Variants in PROCR observed in about 807,000 individuals in gnomAD.
PROCR encodes protein C receptor, also known as endothelial protein C receptor.
PROCR carries 22 observed loss-of-function variants against 24.2 expected under a neutral mutation model. The ratio of observed to expected loss-of-function variants is 0.91; its 90% CI spans 0.65 to 1.30. PROCR has a LOEUF of 1.30. Among genes scored for constraint, PROCR ranks in the 50% most tolerant of loss-of-function variants. The pLI is 0.00. For missense variants in PROCR, 288 were observed against 307.7 expected, an observed-to-expected ratio of 0.94 and a Z score of 0.48; for synonymous variants, 137 against 139.2, an observed-to-expected ratio of 0.98 and a Z score of 0.11.
chr20:35,173,420 T>G (rs2085970123), intron 1 of PROCR, among the ~76,000 whole-genome samples: 1 of 140,272 alleles, frequency 7.1e-6, no homozygotes, highest in Non-Finnish European at 1.5e-5. Flanking sequence ...TTCTTTCTTT[T>G]TTCTTTTTTT....
chr20:35,195,313 G>C (rs907511193), intron 1 of PROCR: 4 of 152,134 alleles, frequency 2.6e-5, no homozygotes, highest in African/African-American at 9.7e-5. Context: ...ACAGTCTACA[G>C]ATATACCATC....
chr20:35,191,474 TAA>T (rs2086173200), intron 1 of PROCR, among the ~76,000 whole-genome samples: 1 of 152,070 alleles, frequency 6.6e-6, no homozygotes, highest in Non-Finnish European at 1.5e-5. Flanking sequence ...AATTTTTTTT[TAA>T]TGTCAGAGAT....
exon 2 of PROCR, chr20:35,215,920 G>A (rs766849819): frequency 6.1e-4 from 604 of 983,690 alleles, no homozygotes; most frequent in Non-Finnish European, 7.1e-4. Context: ...CACTCTGGCC[G>A]GGCGCAGTGG....
chr20:35,214,434 C>A (rs1384286894), intron 1 of PROCR, among the ~76,000 whole-genome samples: 1 of 152,118 alleles, frequency 6.6e-6, no homozygotes, highest in Non-Finnish European at 1.5e-5. Flanking sequence ...CGCCTGTAAT[C>A]CCAGCACTTT....
chr20:35,186,959 A>G (rs1053967267), intron 1 of PROCR, among the ~76,000 whole-genome samples: 1 of 152,062 alleles, frequency 6.6e-6, no homozygotes, highest in African/African-American at 2.4e-5. Flanking sequence ...TCTCAAAAAA[A>G]AAAAAGAAAA....
intron 1 of PROCR, among the ~76,000 whole-genome samples, chr20:35,200,257 A>T (rs957456665): frequency 6.6e-6 from 1 of 152,252 alleles, no homozygotes; most frequent in African/African-American, 2.4e-5. Flanking sequence ...CAATTTTGAA[A>T]GAAGTTCTAC....
At chr20:35,205,670 G>T (rs1459799338) in intron 1 of PROCR, among the ~76,000 whole-genome samples, 5 of 148,820 alleles carry the variant, frequency 3.4e-5, no homozygotes, top group African/African-American at 1.2e-4. Context: ...AGAATTGCTT[G>T]AACCTGGGAG....
At chr20:35,209,144 G>A (rs1052695390) in intron 1 of PROCR, among the ~76,000 whole-genome samples, 6 of 152,164 alleles carry the variant, frequency 3.9e-5, no homozygotes, top group Admixed American at 3.3e-4. Flanking sequence ...CTATATGAGG[G>A]TATAGAATAA....
At chr20:35,195,768 C>G (rs1248304270) in intron 1 of PROCR, among the ~76,000 whole-genome samples, 1 of 142,736 alleles carries the variant, frequency 7.0e-6, no homozygotes, top group Non-Finnish European at 1.5e-5. Flanking sequence ...TTGCAGTGAG[C>G]TGAGATTGCA....
chr20:35,211,893 G>A (rs1016393162), intron 1 of PROCR, among the ~76,000 whole-genome samples: 1 of 152,058 alleles, frequency 6.6e-6, no homozygotes, highest in Non-Finnish European at 1.5e-5. Flanking sequence ...GCTCACAACT[G>A]TAATCCCAGC....
chr20:35,174,282 A>G (rs1439146065), intron 1 of PROCR: 1 of 233,550 alleles, frequency 4.3e-6, no homozygotes, highest in African/African-American at 2.2e-5. Flanking sequence ...TGAAGTAGAA[A>G]GTTACTACCC....
intron 1 of PROCR, among the ~76,000 whole-genome samples, chr20:35,213,803 G>T (rs1600759051): frequency 6.6e-6 from 1 of 152,184 alleles, no homozygotes; most frequent in Admixed American, 6.5e-5. Context: ...GCCAGGCATG[G>T]TGGCTCCCAC....
rs553831534 is a variant in PROCR at position 35,198,843 on chromosome 20, T to C, written c.95-17050T>C. On this transcript the variant is annotated intron_variant, in intron 1 of 1. Coordinates refer to the PROCR transcript ENST00000634509. ...AATTTTCCTGCCTCAGCCTCCCAAG[T>C]AGTTGGGACTACAGGTGTACACCAC... Among the ~76,000 whole-genome samples the C allele has an allele frequency of 5.9e-5, 9 of 152,156 alleles. No individual in the cohort carries two copies. In the South Asian group the frequency reaches 1.9e-3, roughly 32 times the overall value.
intron 1 of PROCR, among the ~76,000 whole-genome samples, chr20:35,183,701 G>A (rs1380959173): frequency 6.6e-6 from 1 of 152,106 alleles, no homozygotes; most frequent in Non-Finnish European, 1.5e-5. Context: ...GGAATCTAGG[G>A]GAGAAACATG....
At chr20:35,213,152 A>G (rs2060368329) in intron 1 of PROCR, among the ~76,000 whole-genome samples, 1 of 152,142 alleles carries the variant, frequency 6.6e-6, no homozygotes, top group Non-Finnish European at 1.5e-5. Context: ...CCAACACGGC[A>G]AAACCGCGTC....
At chr20:35,192,134 G>C (rs898705695) in intron 1 of PROCR, among the ~76,000 whole-genome samples, 1 of 152,228 alleles carries the variant, frequency 6.6e-6, no homozygotes, top group Admixed American at 6.5e-5. Context: ...CTACACTGCT[G>C]TTGGTAAGGT....
In PROCR at chr20:35,176,424, T is replaced by C. The variant is rs190585174; in HGVS notation, c.579T>C (p.His193=). 29 of 1,613,924 alleles carry C rather than the reference T, an allele frequency of 1.8e-5. No homozygotes were observed. The Admixed American group carries it at 4.0e-4, about 22-fold the overall frequency. ...CCTGTGTGCAGTATGTGCAGAAACA[T>C]ATTTCCGCGGAAAACACGAAAGGTA... ...EDTCVQYVQK[H]ISAENTKGSQ... Residue 193 remains histidine (H), a synonymous_variant, in exon 3 of 4, where the codon CAT becomes CAC. Transcript: ENST00000216968.
intron 1 of PROCR, among the ~76,000 whole-genome samples, chr20:35,205,823 A>ATG (rs1418445652): frequency 7.0e-6 from 1 of 142,180 alleles, no homozygotes; most frequent in African/African-American, 2.7e-5. Context: ...ACATATATAC[A>ATG]TATATCTACA....
At chr20:35,203,550 G>A (rs1425094677) in intron 1 of PROCR, among the ~76,000 whole-genome samples, 2 of 151,726 alleles carry the variant, frequency 1.3e-5, no homozygotes, top group African/African-American at 4.8e-5. Context: ...CCAGGAGGTG[G>A]AGGTTGCAGT....
Sources: gnomAD v4.1 joint callset for allele counts (sites outside exome capture counted in the v4.1 genomes callset) on GRCh38, gnomAD v4.1.1 for gene constraint, MANE v1.5 for transcripts, NCBI Gene and HGNC (gene_info 2026-07-23, HGNC 2026-07-21) for gene names.